BTNL9: variants seen among roughly 807,000 people sequenced by gnomAD.
BTNL9 encodes butyrophilin like 9, also known as butyrophilin-like protein 9.
A neutral mutation model predicts 45.8 loss-of-function variants in BTNL9; 45 were observed. That is an observed-to-expected ratio of 0.98 (90% CI 0.77 to 1.26). The LOEUF (loss-of-function observed/expected upper bound fraction) is 1.26. Ranked by LOEUF, BTNL9 falls within the 50% of genes most tolerant of loss-of-function variation. BTNL9 has a pLI of 0.00. For missense variants in BTNL9, 784 were observed against 729.7 expected (o/e 1.07, Z -0.86); for synonymous variants, 346 against 330.8 (o/e 1.05, Z -0.50).
intron 9 of BTNL9, chr5:181,056,735 G>A: frequency 1.6e-6 from 1 of 626,834 alleles, no homozygotes; most frequent in Non-Finnish European, 2.9e-6. Flanking sequence ...ATCCCAGGAA[G>A]GCAGTGTCGT....
chr5:181,057,707 A>G (rs965590351), intron 9 of BTNL9, among the ~76,000 whole-genome samples: 6 of 152,256 alleles, frequency 3.9e-5, no homozygotes, highest in African/African-American at 1.4e-4. Context: ...GGGAAAATCA[A>G]CATCTTTGTA....
chr5:181,045,642 C>A, intron 2 of BTNL9, 44 bp downstream of exon 2: 1 of 1,485,762 alleles, frequency 6.7e-7, no homozygotes, highest in Non-Finnish European at 9.4e-7. Flanking sequence ...GAACGCCACC[C>A]CTCCTGCCAG....
Position 181,053,041 on chromosome 5 carries a change from CCG to C in BTNL9, c.737-151_737-150del. The stretch of plus-strand genomic sequence containing the variant: ...GCCGCGCGCGCCCCCGCCCCCTCCG[CCG>C]CGCGCGCTCCCGCTCCACGCCCGTT... On this transcript the variant is annotated intron_variant, in intron 4 of 10. Transcript: ENST00000327705. The surrounding 1 kb of genome is among the most constrained non-coding windows in gnomAD (Gnocchi z 6.5). The C allele has an allele frequency of 5.7e-6, 2 of 349,006 alleles. No homozygotes were observed. Among genetic ancestry groups the C allele is most frequent in the South Asian group, 6.3e-5 (1 of 15,774 alleles). 21.6% of individuals were successfully genotyped at this position (349,006 alleles called of 1,614,324 possible).
Position 181,055,666 on chromosome 5 carries a change from G to A in BTNL9, c.928+213G>A, listed in dbSNP as rs1761839286. On this transcript the variant is annotated intron_variant, in intron 8 of 10. Coordinates refer to ENST00000327705, the MANE Select transcript of BTNL9 (RefSeq NM_152547.5). This position sits in a 1 kb window ranked among gnomAD's most constrained non-coding sequence, Gnocchi z 4.4. The stretch of plus-strand genomic sequence containing the variant: ...TGCCTGTAGTCCCAGCTACATGGGA[G>A]GCTGAGGCAGGAGAAGGGCGTGAAC... The A allele has an allele frequency of 7.2e-6, 5 of 689,996 alleles. No homozygotes were observed. The South Asian group carries it at 8.4e-5, about 12-fold the overall frequency. The allele number at this position is 689,996 out of a possible 1,614,324, so 42.7% of individuals were successfully genotyped here.
At chr5:181,048,882 TATCATATATATGA>T (rs1318113306) in intron 3 of BTNL9, among the ~76,000 whole-genome samples, 365 of 138,720 alleles carry the variant, frequency 2.6e-3, no homozygotes, top group South Asian at 5.4e-3. Flanking sequence ...TTATATAATA[TATCATATATATGA>T]TATATAAATA....
Position 181,050,152 on chromosome 5 carries a change from C to T in BTNL9, c.519C>T (p.Leu173=). 1 of 1,614,150 alleles carries T rather than the reference C, an allele frequency of 6.2e-7. No homozygotes were observed. The highest frequency in any genetic ancestry group is 8.5e-7 in the Non-Finnish European group (1 of 1,180,050). ...GFKEGGIQLR[L]RSSGWYPKPK... ...AGGAAGGAGGCATTCAGCTGAGGCT[C>T]AGATCCAGTGGCTGGTACCCCAAGC... Residue 173 remains leucine, a synonymous_variant, in exon 4 of 11, where the codon CTC becomes CTT. Transcript: ENST00000327705. The surrounding 1 kb of genome is among the most constrained non-coding windows in gnomAD (Gnocchi z 4.9).
chr5:181,050,490 C>T lies in BTNL9; in HGVS notation c.736+121C>T. On this transcript the variant is annotated intron_variant, in intron 4 of 10. Coordinates refer to ENST00000327705, the MANE Select transcript of BTNL9 (RefSeq NM_152547.5). The surrounding 1 kb of genome is among the most constrained non-coding windows in gnomAD (Gnocchi z 4.9). Reference sequence around the variant, plus strand: ...CTGTCTGCATATAGGGTGTGTTGGCCTTGACACCTGAAAAGTCAGCACCTT... The same window carrying T: ...CTGTCTGCATATAGGGTGTGTTGGCTTTGACACCTGAAAAGTCAGCACCTT... 2.4e-6 allele frequency: 3 copies of T among 1,239,604 alleles called. No individual in the cohort carries two copies. In the South Asian group the frequency reaches 4.4e-5, roughly 18 times the overall value. The allele number at this position is 1,239,604 out of a possible 1,614,324, so 76.8% of individuals were successfully genotyped here. A position where few individuals can be genotyped will look rare whatever the true frequency, so the allele number is the denominator to read the frequency against.
intron 2 of BTNL9, among the ~76,000 whole-genome samples, chr5:181,046,366 C>T (rs903108382): frequency 9.9e-5 from 15 of 152,198 alleles, no homozygotes; most frequent in African/African-American, 2.9e-4. Context: ...CCCAGCACTC[C>T]GAAATCCACA....
At chr5:181,057,456 G>A (rs139326803) in intron 9 of BTNL9, among the ~76,000 whole-genome samples, 5 of 152,264 alleles carry the variant, frequency 3.3e-5, no homozygotes, top group African/African-American at 9.6e-5. Context: ...AACCACCTTT[G>A]ATGCATATTG....
At chr5:181,046,304 C>T (rs1269941114) in intron 2 of BTNL9, among the ~76,000 whole-genome samples, 2 of 151,604 alleles carry the variant, frequency 1.3e-5, no homozygotes, top group African/African-American at 4.9e-5. Flanking sequence ...ATCTCCCCAG[C>T]CTGTAGTGTT....
intron 3 of BTNL9, 124 bp downstream of exon 3, chr5:181,048,395 T>C (rs1761305594): frequency 2.3e-6 from 2 of 864,494 alleles, no homozygotes; most frequent in Admixed American, 5.8e-5. Context: ...AGCTGATGGA[T>C]AGGTCCATTC....
chr5:181,059,164 T>C, intron 10 of BTNL9, 73 bp from the exon 11 acceptor site: 1 of 1,408,844 alleles, frequency 7.1e-7, no homozygotes, highest in Non-Finnish European at 9.2e-7. Context: ...ACGAGAGGTT[T>C]GTCCGCCTTG....
chr5:181,053,191 G>A lies in BTNL9; in HGVS notation c.737-9G>A. On this transcript the variant is annotated splice_polypyrimidine_tract_variant and intron_variant, in intron 4 of 10. Transcript: ENST00000327705. This position sits in a 1 kb window ranked among gnomAD's most constrained non-coding sequence, Gnocchi z 6.5. ...CTGGACCGACACGGCCCCCGCGGGT[G>A]TTTTCCAGACGTGTTCGTACCCGGA... is the stretch of plus-strand genomic sequence containing the variant. The A allele has an allele frequency of 6.4e-7, 1 of 1,573,446 alleles. No homozygotes were observed. Among genetic ancestry groups the A allele is most frequent in the African/African-American group, 1.4e-5 (1 of 70,802 alleles).
rs1193308761 is a variant in BTNL9, at chr5:181,045,885, GCCCCCGACA to G, written c.109+290_109+298del. Among the ~76,000 whole-genome samples the G allele has an allele frequency of 1.2e-3, 57 of 49,174 alleles. 5 individuals carry two copies. The highest frequency in any genetic ancestry group is 1.7e-3 in the Non-Finnish European group (46 of 26,606). 32.3% of individuals were successfully genotyped at this position (49,174 alleles called of 152,430 possible). A position where few individuals can be genotyped will look rare whatever the true frequency, so the allele number is the denominator to read the frequency against. On this transcript the variant is annotated intron_variant, in intron 2 of 10. Coordinates refer to ENST00000327705, the MANE Select transcript of BTNL9 (RefSeq NM_152547.5). The stretch of plus-strand genomic sequence containing the variant: ...GTAGTGTTCCTCCACCATCTCCCCA[GCCCCCGACA>G]CCTCCTCCACCATCTCCCCAGCCCC...
chr5:181,045,856 G>GCCCTCAACA (rs1279125620), intron 2 of BTNL9, among the ~76,000 whole-genome samples: 1 of 99,144 alleles, frequency 1.0e-5, no homozygotes, highest in African/African-American at 4.6e-5. Context: ...CATCTCCCCA[G>GCCCTCAACA]CCTGTAGTGT....
intron 2 of BTNL9, among the ~76,000 whole-genome samples, chr5:181,046,692 AGAGAGCGAGAGAGAGAGG>A (rs1210131510): frequency 4.0e-5 from 6 of 151,818 alleles, no homozygotes; most frequent in African/African-American, 1.5e-4. Context: ...CGAGAGAGAG[AGAGAGCGAGAGAGAGAGG>A]GAGAGAGAGA....
rs1683520096 is a variant in BTNL9, at chr5:181,056,013, C to T, written c.953C>T (p.Ala318Val). The change falls in exon 9 of 11, where the codon GCT (alanine) becomes GTT (valine). Residue 318 changes from alanine to valine, a missense_variant and splice_region_variant. By Grantham distance (64) the Ala-to-Val change is moderately conservative. Transcript: ENST00000327705. ...GACTGGAGACGGGCTGAAGGCCAGG[C>T]TGGTGAGTGGAACCCATCTCTCTCT... ...ELDWRRAEGQ[A>V]EWRAAQKYAV... is the part of the protein sequence containing the mutation. 1 of 1,614,178 alleles carries T rather than the reference C, an allele frequency of 6.2e-7. No homozygotes were observed. Among genetic ancestry groups the T allele is most frequent in the Admixed American group, 1.7e-5 (1 of 60,030 alleles).
In BTNL9 at chr5:181,060,944, C is replaced by CAGCT. The variant is rs34585232; in HGVS notation, c.*1083_*1084insGCTA. On this transcript the variant is annotated 3_prime_UTR_variant, in exon 11 of 11. Transcript: ENST00000327705. Reference sequence around the variant, plus strand: ...CCACCTCAGCACACAACACCATGCCCAATTTTAAGTGCGTTATAGAGACGG... The same window carrying CAGCT: ...CCACCTCAGCACACAACACCATGCCCAGCTAATTTTAAGTGCGTTATAGAGACGG... 85,126 of 151,818 alleles carry CAGCT rather than the reference C, an allele frequency of 0.56. 24,261 individuals carry two copies. Among genetic ancestry groups the CAGCT allele is most frequent in the South Asian group, 0.69 (3,308 of 4,818 alleles). The allele number at this position is 151,818 out of a possible 1,614,324, so 9.4% of individuals were successfully genotyped here. A position where few individuals can be genotyped will look rare whatever the true frequency, so the allele number is the denominator to read the frequency against.
chr5:181,053,325 G>T lies in BTNL9; in HGVS notation c.853+9G>T, dbSNP rs752956953. The T allele has an allele frequency of 1.4e-4, 211 of 1,542,464 alleles. 2 individuals carry two copies. The highest frequency in any genetic ancestry group is 1.7e-4 in the Non-Finnish European group (190 of 1,145,940). On this transcript the variant is annotated intron_variant, in intron 5 of 10. Coordinates refer to ENST00000327705, the MANE Select transcript of BTNL9 (RefSeq NM_152547.5). This position sits in a 1 kb window ranked among gnomAD's most constrained non-coding sequence, Gnocchi z 6.5. ...GCAGCGGAGAAGCCGAGGTACCGGCGCGGGCGGCGGGGCGGGGAGGGGCAC... is the reference window on the plus strand; with the variant it reads ...GCAGCGGAGAAGCCGAGGTACCGGCTCGGGCGGCGGGGCGGGGAGGGGCAC...
Sources: gnomAD v4.1 joint callset for allele counts (sites outside exome capture counted in the v4.1 genomes callset) on GRCh38, gnomAD v4.1.1 for gene constraint, Gnocchi (gnomAD v3.1) non-coding constraint, MANE v1.5 for transcripts, NCBI Gene and HGNC (gene_info 2026-07-23, HGNC 2026-07-21) for gene names.